Variants in LRP12 observed in about 807,000 individuals in gnomAD.
LRP12 encodes the protein LDL receptor related protein 12.
Under a neutral mutation model 66.0 loss-of-function variants are expected in LRP12, and 14 were observed. That is an observed-to-expected ratio of 0.21 (90% confidence interval 0.14 to 0.33). The LOEUF is 0.33. LRP12 is among the 10% of genes least tolerant of loss of function. The pLI is 1.00. For synonymous variants in LRP12, 357 were observed against 359.1 expected (o/e 0.99, Z 0.07); for missense variants, 889 against 1,053.4 (o/e 0.84, Z 2.16).
chr8:104,501,015 T>C (rs935126486), intron 3 of LRP12, among the ~76,000 whole-genome samples: 3 of 152,244 alleles, frequency 2.0e-5, no homozygotes, highest in Non-Finnish European at 4.4e-5. Context: ...ATGTCTTTAT[T>C]TACTGAGATT....
At chr8:104,578,556 A>G (rs532715989) in intron 1 of LRP12, among the ~76,000 whole-genome samples, 1 of 152,318 alleles carries the variant, frequency 6.6e-6, no homozygotes, top group South Asian at 2.1e-4. Context: ...CATCATCCTG[A>G]TACCAAAACC....
chr8:104,553,169 G>A lies in LRP12; in HGVS notation c.80-21206C>T, dbSNP rs548709815. Reference sequence around the variant, plus strand: ...AACTGGCAAAAAACCACAGGGAGAAGGAAACTTCCAGTTGAACTTTGTAAC... The same window carrying A: ...AACTGGCAAAAAACCACAGGGAGAAAGAAACTTCCAGTTGAACTTTGTAAC... On this transcript the variant is annotated intron_variant, in intron 1 of 6. Coordinates refer to ENST00000276654, the MANE Select transcript of LRP12 (RefSeq NM_013437.5). 1.4e-4 allele frequency among the ~76,000 whole-genome samples: 21 copies of A among 152,306 alleles called. No individual in the cohort carries two copies. The South Asian group carries it at 1.9e-3, about 14-fold the overall frequency.
intron 1 of LRP12, among the ~76,000 whole-genome samples, chr8:104,572,881 A>G (rs1812104236): frequency 6.6e-6 from 1 of 152,146 alleles, no homozygotes; most frequent in South Asian, 2.1e-4. Flanking sequence ...CTAGCCCCCT[A>G]CTTAGATCAG....
At chr8:104,526,401 T>C (rs1811238975) in intron 2 of LRP12, among the ~76,000 whole-genome samples, 1 of 151,028 alleles carries the variant, frequency 6.6e-6, no homozygotes, top group Admixed American at 6.6e-5. Context: ...AGAACAAAGC[T>C]GGAGGCATCA....
chr8:104,578,346 A>G (rs1812198195), intron 1 of LRP12, among the ~76,000 whole-genome samples: 1 of 152,204 alleles, frequency 6.6e-6, no homozygotes, highest in Admixed American at 6.5e-5. Context: ...AACCAGGAAA[A>G]AAACTGAATC....
rs1259760064 is a variant in LRP12 at position 104,509,195 on chromosome 8, T to C, written c.137-121A>G. The C allele has an allele frequency of 6.7e-6, 5 of 740,970 alleles. No homozygotes were observed. In the East Asian group the frequency reaches 7.9e-5, roughly 12 times the overall value. 45.9% of individuals were successfully genotyped at this position (740,970 alleles called of 1,614,324 possible). On this transcript the variant is annotated intron_variant, in intron 2 of 6. Coordinates refer to ENST00000276654, the MANE Select transcript of LRP12 (RefSeq NM_013437.5). ...ACATCAAATAATAACCAATAAGATA[T>C]GGTAGTATCAACTTTAAAAAGCTAT...
rs1811182505 is a variant in LRP12 at position 104,523,616 on chromosome 8, T to A, written c.136+8291A>T. On this transcript the variant is annotated intron_variant, in intron 2 of 6. Coordinates refer to ENST00000276654, the MANE Select transcript of LRP12 (RefSeq NM_013437.5). ...AATTGTGTGTCACAGTACAATGTGA[T>A]CTCTGGTGGTTCTCGTGTATTTTTC... 2.6e-5 allele frequency among the ~76,000 whole-genome samples: 4 copies of A among 152,310 alleles called. No homozygotes were observed. In the South Asian group the frequency reaches 8.3e-4, roughly 32 times the overall value.
intron 2 of LRP12, among the ~76,000 whole-genome samples, 158 bp from the exon 3 acceptor site, chr8:104,509,232 G>A (rs1810957086): frequency 6.6e-6 from 1 of 152,154 alleles, no homozygotes; most frequent in Non-Finnish European, 1.5e-5. Flanking sequence ...ATTCTAATGA[G>A]ATATTTCAAT....
In LRP12 at chr8:104,491,466, G is replaced by A. The variant is rs750952515; in HGVS notation, c.1787C>T (p.Ala596Val). Residue 596 changes from alanine (A) to valine (V), a missense_variant, in exon 7 of 7, where the codon GCA becomes GTA. Transcript: ENST00000276654. ...GTTCCAAATGTTGCTTGATCTGCCT[G>A]CCATAGGAAGCCTGACTGAAGTAAA... is the stretch of plus-strand genomic sequence containing the variant. ...LGFTSVRLPM[A>V]GRSSNIWNRI... The A allele has an allele frequency of 1.3e-5, 21 of 1,613,932 alleles. No homozygotes were observed. The highest frequency in any genetic ancestry group is 1.8e-5 in the Non-Finnish European group (21 of 1,179,958).
intron 1 of LRP12, among the ~76,000 whole-genome samples, chr8:104,536,620 A>G (rs920256943): frequency 5.3e-5 from 8 of 152,230 alleles, no homozygotes; most frequent in Admixed American, 2.6e-4. Context: ...AAACAGAAGC[A>G]AACAAAATAT....
intron 1 of LRP12, among the ~76,000 whole-genome samples, chr8:104,535,777 T>C (rs1329608817): frequency 6.6e-6 from 1 of 152,030 alleles, no homozygotes; most frequent in Non-Finnish European, 1.5e-5. Context: ...CTTAAAAAGA[T>C]TTCAGGTTCA....
intron 2 of LRP12, among the ~76,000 whole-genome samples, chr8:104,517,098 A>T (rs1400264511): frequency 6.6e-6 from 1 of 151,596 alleles, no homozygotes; most frequent in African/African-American, 2.4e-5. Flanking sequence ...AAAGAAATAG[A>T]GAACTCATGT....
intron 3 of LRP12, among the ~76,000 whole-genome samples, chr8:104,503,221 G>A (rs886229313): frequency 1.3e-5 from 2 of 151,026 alleles, no homozygotes; most frequent in Non-Finnish European, 2.9e-5. Context: ...CAGCTACTCG[G>A]GAGGCTGAGG....
rs910940040 is a variant in LRP12 at position 104,589,086 on chromosome 8, C to T, written c.-189G>A. ...CGCCCGCGCGCGCTCCCTCCTCCCT[C>T]CTCCCTCCGGCTCGCCTGCTCCCAC... is the stretch of plus-strand genomic sequence containing the variant. On this transcript the variant is annotated 5_prime_UTR_variant, in exon 1 of 7. Transcript: ENST00000276654. 68 of 276,054 alleles carry T rather than the reference C, an allele frequency of 2.5e-4. No individual in the cohort carries two copies. Among genetic ancestry groups the T allele is most frequent in the African/African-American group, 1.3e-3 (60 of 44,556 alleles). 17.1% of individuals were successfully genotyped at this position (276,054 alleles called of 1,614,324 possible).
At chr8:104,529,041 T>C (rs1811288331) in intron 2 of LRP12, among the ~76,000 whole-genome samples, 1 of 152,216 alleles carries the variant, frequency 6.6e-6, no homozygotes, top group Admixed American at 6.5e-5. Flanking sequence ...CTGAAATGTG[T>C]TGCCTCCAAA....
Position 104,497,878 on chromosome 8 carries a change from C to T in LRP12, c.674G>A (p.Arg225His), listed in dbSNP as rs758111725. The T allele has an allele frequency of 1.2e-5, 19 of 1,614,156 alleles. No individual in the cohort carries two copies. Among genetic ancestry groups the T allele is most frequent in the South Asian group, 4.4e-5 (4 of 91,086 alleles). ...CAYNQFQCLS[R>H]FTKVYTCLPE... ...GAGGCAAGTGTAAACTTTGGTAAAACGGGATAAACACTGGAACTGGTTGTA... is the reference window on the plus strand; with the variant it reads ...GAGGCAAGTGTAAACTTTGGTAAAATGGGATAAACACTGGAACTGGTTGTA... Residue 225 changes from arginine (R) to histidine (H), a missense_variant, in exon 5 of 7, where the codon CGT becomes CAT. Around this residue, in one of 3 missense-constraint regions of LRP12, gnomAD observed 800 missense variants for 964.5 expected, o/e 0.83. Transcript: ENST00000276654. This position sits in a 1 kb window ranked among gnomAD's most constrained non-coding sequence, Gnocchi z 4.3.
At chr8:104,531,570 T>A (rs1024698916) in intron 2 of LRP12, among the ~76,000 whole-genome samples, 1 of 152,132 alleles carries the variant, frequency 6.6e-6, no homozygotes, top group African/African-American at 2.4e-5. Context: ...AGGGATAGCA[T>A]TCAAAATCAC....
chr8:104,517,188 A>G (rs1349156240), intron 2 of LRP12, among the ~76,000 whole-genome samples: 1 of 150,256 alleles, frequency 6.7e-6, no homozygotes, highest in African/African-American at 2.5e-5. Flanking sequence ...TTAATATGAC[A>G]GCATACCAGA....
intron 1 of LRP12, among the ~76,000 whole-genome samples, chr8:104,587,848 G>A (rs915857472): frequency 6.6e-6 from 1 of 152,168 alleles, no homozygotes; most frequent in Non-Finnish European, 1.5e-5. Context: ...GGAGAAATCA[G>A]AGCAACACTC....
Sources: allele counts gnomAD v4.1 joint callset (sites outside exome capture counted in the v4.1 genomes callset), GRCh38; gene constraint gnomAD v4.1.1; regional missense constraint gnomAD v4.1.1; non-coding constraint Gnocchi (gnomAD v3.1); transcripts MANE v1.5; gene names NCBI Gene and HGNC (gene_info 2026-07-23, HGNC 2026-07-21).